PACRG: variants seen among roughly 807,000 people sequenced by gnomAD.
PACRG encodes the protein parkin coregulated gene protein.
Under a neutral mutation model 29.7 loss-of-function variants are expected in PACRG, and 29 were observed. The ratio of observed to expected loss-of-function variants is 0.98; its 90% CI spans 0.73 to 1.33. The LOEUF (loss-of-function observed/expected upper bound fraction) is 1.33, where lower values mean the gene tolerates loss of function less well. Ranked by LOEUF, PACRG falls within the 40% of genes most tolerant of loss-of-function variation. PACRG has a pLI of 0.00. For synonymous variants in PACRG, 116 were observed against 118.7 expected (o/e 0.98, Z 0.15); for missense variants, 279 against 316.2 (o/e 0.88, Z 0.89).
intron 4 of PACRG, among the ~76,000 whole-genome samples, chr6:163,312,458 A>C (rs190347493): frequency 2.6e-5 from 4 of 152,068 alleles, no homozygotes; most frequent in Admixed American, 1.3e-4. Context: ...TCCTCCCAAC[A>C]CGAGCTTCCT....
At chr6:162,824,105 C>T (rs919374142) in intron 2 of PACRG, among the ~76,000 whole-genome samples, 2 of 152,128 alleles carry the variant, frequency 1.3e-5, no homozygotes, top group African/African-American at 4.8e-5. Flanking sequence ...ACACTGCTTT[C>T]TAGGACAGAA....
intron 2 of PACRG, among the ~76,000 whole-genome samples, chr6:162,844,082 C>T (rs1790088759): frequency 7.1e-6 from 1 of 141,830 alleles, no homozygotes; most frequent in Middle Eastern, 3.2e-3. Flanking sequence ...AGAGGTGGAG[C>T]CTACAGAGGC....
At chr6:162,727,586 G>T (rs1266284786), upstream of PACRG, 3 of 1,472,080 alleles carry the variant, frequency 2.0e-6, no homozygotes, top group Admixed American at 3.8e-5. Flanking sequence ...GGTCCTGGTC[G>T]GCCGAGGCGG....
At chr6:162,907,400 A>G (rs2128069777) in intron 2 of PACRG, among the ~76,000 whole-genome samples, 1 of 152,236 alleles carries the variant, frequency 6.6e-6, no homozygotes, top group South Asian at 2.1e-4. Context: ...TCAATTGGGC[A>G]TTTCTAATAT....
chr6:162,988,195 C>T (rs765412116), intron 2 of PACRG, among the ~76,000 whole-genome samples: 2 of 152,158 alleles, frequency 1.3e-5, no homozygotes, highest in South Asian at 4.1e-4. Flanking sequence ...CATGTTAGCC[C>T]TGTCTTCTAT....
At chr6:162,961,406 T>C (rs1174404159) in intron 2 of PACRG, among the ~76,000 whole-genome samples, 1 of 152,180 alleles carries the variant, frequency 6.6e-6, no homozygotes, top group Non-Finnish European at 1.5e-5. Context: ...TTAAACACAG[T>C]CTGGAGTTTC....
chr6:163,006,935 A>T (rs193115782), intron 2 of PACRG, among the ~76,000 whole-genome samples: 1 of 151,052 alleles, frequency 6.6e-6, no homozygotes. Flanking sequence ...TATGATTATG[A>T]TGTGGTTGTT....
intron 2 of PACRG, among the ~76,000 whole-genome samples, chr6:162,944,776 C>CA (rs561880326): frequency 1.0e-4 from 15 of 148,292 alleles, no homozygotes; most frequent in Middle Eastern, 7.1e-3. Context: ...CCCAGTCAGA[C>CA]AAAAAAAAGG....
intron 2 of PACRG, chr6:163,051,305 T>A (rs1357026843): frequency 6.6e-6 from 1 of 152,220 alleles, no homozygotes; most frequent in Non-Finnish European, 1.5e-5. Flanking sequence ...AGTCTTCCTT[T>A]TGGTGACTGC....
intron 1 of PACRG, among the ~76,000 whole-genome samples, chr6:162,768,650 G>T (rs1399789730): frequency 6.6e-6 from 1 of 151,688 alleles, no homozygotes; most frequent in Non-Finnish European, 1.5e-5. Flanking sequence ...CTATATTATG[G>T]ATTCTCTCTT....
chr6:162,918,429 G>T (rs1225689730), intron 2 of PACRG, among the ~76,000 whole-genome samples: 1 of 152,180 alleles, frequency 6.6e-6, no homozygotes, highest in East Asian at 1.9e-4. Flanking sequence ...GACGAGACAT[G>T]AATCTAGCTT....
chr6:163,155,852 G>A (rs538984568), intron 4 of PACRG, among the ~76,000 whole-genome samples: 3 of 152,166 alleles, frequency 2.0e-5, no homozygotes, highest in Non-Finnish European at 4.4e-5. Flanking sequence ...TTACTTGCTA[G>A]CCTTCTCAGC....
At chr6:162,875,200 C>T (rs546390681) in intron 2 of PACRG, among the ~76,000 whole-genome samples, 16 of 151,876 alleles carry the variant, frequency 1.1e-4, no homozygotes, top group Non-Finnish European at 1.8e-4. Context: ...CACACATCCA[C>T]GCACATTCAC....
chr6:163,165,829 G>A (rs1388357883), intron 4 of PACRG: 17 of 303,200 alleles, frequency 5.6e-5, no homozygotes, highest in South Asian at 2.5e-4. Flanking sequence ...GAGGGGACCA[G>A]GGAGGCCTCA....
At chr6:163,243,307 G>T (rs560467306) in intron 4 of PACRG, among the ~76,000 whole-genome samples, 3 of 152,262 alleles carry the variant, frequency 2.0e-5, no homozygotes, top group Non-Finnish European at 2.9e-5. Flanking sequence ...CACGGGGAAA[G>T]GGGAGGGGCA....
intron 4 of PACRG, among the ~76,000 whole-genome samples, chr6:163,262,616 A>G (rs569911800): frequency 2.0e-5 from 3 of 152,090 alleles, no homozygotes; most frequent in South Asian, 4.2e-4. Flanking sequence ...AGACATGGCC[A>G]TCGGCATTCC....
At chr6:163,213,672 TA>T (rs1407177310) in intron 4 of PACRG, among the ~76,000 whole-genome samples, 3 of 152,214 alleles carry the variant, frequency 2.0e-5, no homozygotes, top group Non-Finnish European at 2.9e-5. Context: ...TTGTTTTGGT[TA>T]TTTTTTTCTC....
chr6:163,047,063 G>A (rs530155379), intron 2 of PACRG, among the ~76,000 whole-genome samples: 1 of 152,216 alleles, frequency 6.6e-6, no homozygotes, highest in East Asian at 1.9e-4. Flanking sequence ...ATTAAAATTC[G>A]CAGTACATTA....
intron 4 of PACRG, among the ~76,000 whole-genome samples, chr6:163,141,444 GTTTT>G: frequency 6.8e-6 from 1 of 147,276 alleles, no homozygotes; most frequent in African/African-American, 2.5e-5. Context: ...TAATGTATGT[GTTTT>G]TTTTTTTTTT....
Sources: allele counts gnomAD v4.1 joint callset (sites outside exome capture counted in the v4.1 genomes callset), GRCh38; gene constraint gnomAD v4.1.1; transcripts MANE v1.5; gene names NCBI Gene and HGNC (gene_info 2026-07-23, HGNC 2026-07-21).